The following KHDC1 variants were observed in gnomAD, a reference collection of about 807,000 sequenced individuals.
KHDC1 encodes the protein KH homology domain-containing protein 1.
Under a neutral mutation model 24.7 loss-of-function variants are expected in KHDC1, and 21 were observed. The ratio of observed to expected loss-of-function variants is 0.85; its 90% CI spans 0.60 to 1.23. KHDC1 has a LOEUF of 1.23. Among genes scored for constraint, KHDC1 ranks in the 50% most tolerant of loss-of-function variants. The pLI, the probability that KHDC1 is intolerant of heterozygous loss-of-function variation, is 0.00. For synonymous variants in KHDC1, 98 were observed against 111.7 expected (o/e 0.88, Z 0.77); for missense variants, 274 against 298.5 (o/e 0.92, Z 0.61).
chr6:73,264,828 G>A (rs3734511), intron 2 of KHDC1, among the ~76,000 whole-genome samples: 10,087 of 152,290 alleles, frequency 0.066, 348 homozygotes, highest in East Asian at 0.13. Flanking sequence ...AAGACTGGAT[G>A]CTGCCTAATG....
At chr6:73,244,633 G>A (rs1246642632) in intron 2 of KHDC1, among the ~76,000 whole-genome samples, 1 of 141,252 alleles carries the variant, frequency 7.1e-6, no homozygotes, top group East Asian at 2.2e-4. Flanking sequence ...GGGGAGTGGT[G>A]ACTCATGCCT....
At chr6:73,294,766 C>A (rs547873213) in intron 1 of KHDC1, among the ~76,000 whole-genome samples, 1 of 152,086 alleles carries the variant, frequency 6.6e-6, no homozygotes, top group Non-Finnish European at 1.5e-5. Flanking sequence ...TGGGGCCTCA[C>A]GGGAGTTGAC....
At chr6:73,263,439 C>T in intron 2 of KHDC1, 1 of 267,750 alleles carries the variant, frequency 3.7e-6, no homozygotes, top group Non-Finnish European at 5.7e-6. Flanking sequence ...CAGGCGGCAT[C>T]TCTTGCTCTC....
At chr6:73,287,758 GC>G (rs1455140813) in intron 2 of KHDC1, among the ~76,000 whole-genome samples, 9 of 152,180 alleles carry the variant, frequency 5.9e-5, no homozygotes, top group African/African-American at 2.2e-4. Context: ...AGCATCATCT[GC>G]CACTCCTCTT....
At chr6:73,292,154 G>C (rs1562258564) in intron 1 of KHDC1, 2 of 1,554,122 alleles carry the variant, frequency 1.3e-6, no homozygotes, top group South Asian at 1.1e-5. Context: ...TTATTCTGAT[G>C]ATATTCCTCA....
At chr6:73,283,619 C>T (rs996177016) in intron 2 of KHDC1, among the ~76,000 whole-genome samples, 4 of 149,324 alleles carry the variant, frequency 2.7e-5, no homozygotes, top group African/African-American at 9.9e-5. Context: ...GGAGTTGAAG[C>T]TTTACCTCAC....
intron 1 of KHDC1, among the ~76,000 whole-genome samples, chr6:73,305,173 G>A (rs1055190872): frequency 6.6e-6 from 1 of 152,062 alleles, no homozygotes; most frequent in African/African-American, 2.4e-5. Flanking sequence ...GGGAAGCAGA[G>A]GTTGCAGTGA....
intron 2 of KHDC1, among the ~76,000 whole-genome samples, chr6:73,287,552 C>G (rs921725795): frequency 1.3e-5 from 2 of 152,186 alleles, no homozygotes; most frequent in Non-Finnish European, 1.5e-5. Context: ...AACTGAATGA[C>G]TGAAGGAGAG....
At chr6:73,308,640 G>T (rs1367709495) in intron 1 of KHDC1, among the ~76,000 whole-genome samples, 2 of 151,872 alleles carry the variant, frequency 1.3e-5, no homozygotes, top group Non-Finnish European at 2.9e-5. Context: ...TGGAACTTCA[G>T]ATGGGTGCCA....
intron 2 of KHDC1, among the ~76,000 whole-genome samples, chr6:73,247,939 T>G (rs1384930044): frequency 7.9e-5 from 12 of 151,668 alleles, no homozygotes; most frequent in Non-Finnish European, 1.6e-4. Context: ...CACTTGCTGC[T>G]TCCCTCAGTC....
chr6:73,256,784 C>T (rs1766886976), intron 2 of KHDC1, among the ~76,000 whole-genome samples: 2 of 152,174 alleles, frequency 1.3e-5, no homozygotes, highest in Admixed American at 6.6e-5. Context: ...AGATAAGTTT[C>T]AATAGGTGTC....
intron 2 of KHDC1, among the ~76,000 whole-genome samples, chr6:73,264,180 C>G (rs961253451): frequency 2.6e-5 from 4 of 152,092 alleles, no homozygotes; most frequent in African/African-American, 9.7e-5. Flanking sequence ...GCCTGGGCAA[C>G]AAAGCAAGAC....
In KHDC1 at chr6:73,242,399, C is replaced by T. The variant is rs1284231164; in HGVS notation, c.331+7G>A. 3.1e-6 allele frequency: 5 copies of T among 1,613,978 alleles called. No individual in the cohort carries two copies. Among genetic ancestry groups the T allele is most frequent in the Non-Finnish European group, 4.2e-6 (5 of 1,180,008 alleles). ...TGAAGAAGGGGACGTGGGCAAAGGCCACTCACCGAAGATGAGCTCCTCCTG... is the reference window on the plus strand; with the variant it reads ...TGAAGAAGGGGACGTGGGCAAAGGCTACTCACCGAAGATGAGCTCCTCCTG... On this transcript the variant is annotated splice_region_variant and intron_variant, in intron 3 of 4. Transcript: ENST00000370384.
chr6:73,245,532 C>T (rs1291751551), intron 2 of KHDC1, among the ~76,000 whole-genome samples: 1 of 152,098 alleles, frequency 6.6e-6, no homozygotes, highest in Non-Finnish European at 1.5e-5. Flanking sequence ...CATGGAGTAG[C>T]CTATGAATCC....
exon 5 of KHDC1, chr6:73,241,445 C>G: frequency 7.5e-7 from 1 of 1,324,708 alleles, no homozygotes; most frequent in Non-Finnish European, 1.1e-6. Flanking sequence ...AAACTTTCCT[C>G]AGTGTCTATC....
At chr6:73,273,237 G>A (rs922654104) in intron 2 of KHDC1, among the ~76,000 whole-genome samples, 4 of 150,672 alleles carry the variant, frequency 2.7e-5, no homozygotes, top group East Asian at 4.0e-4. Context: ...GCGTGATCTC[G>A]GCTCACTGCA....
intron 2 of KHDC1, among the ~76,000 whole-genome samples, chr6:73,248,390 T>C (rs1471420192): frequency 6.6e-6 from 1 of 151,706 alleles, no homozygotes; most frequent in Non-Finnish European, 1.5e-5. Flanking sequence ...CTCTCCTCTA[T>C]CTGTCTCTCT....
chr6:73,256,710 G>A (rs909058792), intron 2 of KHDC1, among the ~76,000 whole-genome samples: 2 of 152,090 alleles, frequency 1.3e-5, no homozygotes, highest in Admixed American at 6.6e-5. Flanking sequence ...ACATTTCCAC[G>A]TGTCTCATCT....
intron 1 of KHDC1, among the ~76,000 whole-genome samples, chr6:73,302,200 G>T (rs1767889534): frequency 6.6e-6 from 1 of 152,100 alleles, no homozygotes. Flanking sequence ...GGGGCAGGAG[G>T]ATCACTTGAA....
Sources: gnomAD v4.1 joint callset for allele counts (sites outside exome capture counted in the v4.1 genomes callset) on GRCh38, gnomAD v4.1.1 for gene constraint, MANE v1.5 for transcripts, NCBI Gene and HGNC (gene_info 2026-07-23, HGNC 2026-07-21) for gene names.